Variants in DYNC1I1 observed in about 807,000 individuals in gnomAD.
DYNC1I1 encodes the protein dynein cytoplasmic 1 intermediate chain 1.
DYNC1I1 carries 43 observed loss-of-function variants against 86.6 expected under a neutral mutation model. The observed-to-expected ratio is 0.50, with a 90% CI of 0.39 to 0.64. DYNC1I1 has a LOEUF of 0.64. DYNC1I1 is among the 30% of genes least tolerant of loss of function. The probability of loss-of-function intolerance (pLI) is 0.00; values close to 1 mark genes in which losing one functional copy is unlikely to be tolerated. For missense variants in DYNC1I1, 604 were observed against 788.8 expected (o/e 0.77, Z 2.81); for synonymous variants, 262 against 283.7 (o/e 0.92, Z 0.77).
At chr7:96,034,012 G>T (rs1283693363) in intron 12 of DYNC1I1, among the ~76,000 whole-genome samples, 1 of 151,510 alleles carries the variant, frequency 6.6e-6, no homozygotes, top group Non-Finnish European at 1.5e-5. Flanking sequence ...TTTGTCTCTT[G>T]AAAAAAATAA....
chr7:96,027,118 C>T (rs536565931), intron 10 of DYNC1I1, among the ~76,000 whole-genome samples: 3 of 152,164 alleles, frequency 2.0e-5, no homozygotes, highest in African/African-American at 7.2e-5. Flanking sequence ...GGACTGGTAG[C>T]CCATCTGTTC....
intron 6 of DYNC1I1, among the ~76,000 whole-genome samples, chr7:95,929,164 T>C (rs1379434687): frequency 6.6e-6 from 1 of 152,152 alleles, no homozygotes; most frequent in Non-Finnish European, 1.5e-5. Flanking sequence ...TATTTTCTGC[T>C]CTTCCATCCT....
At chr7:95,848,547 G>A (rs537347049) in intron 5 of DYNC1I1, among the ~76,000 whole-genome samples, 8 of 151,998 alleles carry the variant, frequency 5.3e-5, no homozygotes, top group Admixed American at 4.6e-4. Context: ...CATCTATATC[G>A]TTGCAAATGA....
intron 6 of DYNC1I1, among the ~76,000 whole-genome samples, chr7:95,879,140 T>C (rs1324651457): frequency 6.6e-6 from 1 of 152,124 alleles, no homozygotes; most frequent in Non-Finnish European, 1.5e-5. Flanking sequence ...AATTCAAATC[T>C]ATAGGGAAAA....
chr7:96,060,850 G>T (rs991309407), intron 14 of DYNC1I1, among the ~76,000 whole-genome samples: 1 of 151,920 alleles, frequency 6.6e-6, no homozygotes, highest in South Asian at 2.1e-4. Context: ...ACTCAATGAC[G>T]CTTCAGTAAT....
At chr7:96,081,413 A>G (rs375183722) in intron 16 of DYNC1I1, among the ~76,000 whole-genome samples, 31 of 151,978 alleles carry the variant, frequency 2.0e-4, no homozygotes, top group African/African-American at 7.0e-4. Flanking sequence ...TACATTATCT[A>G]TCAATTGTAC....
intron 9 of DYNC1I1, 33 bp from the exon 10 acceptor site, chr7:95,995,915 G>A: frequency 6.4e-7 from 1 of 1,561,168 alleles, no homozygotes; most frequent in Non-Finnish European, 8.6e-7. Context: ...TGTCATCTTA[G>A]CATAATTCAT....
chr7:95,986,609 C>T (rs1353722746), intron 8 of DYNC1I1, among the ~76,000 whole-genome samples: 1 of 152,076 alleles, frequency 6.6e-6, no homozygotes, highest in African/African-American at 2.4e-5. Context: ...TCAGCATTTA[C>T]AAGTAAATAA....
intron 9 of DYNC1I1, among the ~76,000 whole-genome samples, chr7:95,988,489 T>C (rs1198639093): frequency 2.0e-5 from 3 of 152,200 alleles, no homozygotes; most frequent in Non-Finnish European, 4.4e-5. Flanking sequence ...AAAAGCCAAT[T>C]TGCTGAATGG....
intron 16 of DYNC1I1, among the ~76,000 whole-genome samples, chr7:96,092,821 G>A (rs531558038): frequency 3.9e-5 from 6 of 152,150 alleles, no homozygotes; most frequent in African/African-American, 1.4e-4. Flanking sequence ...TAGACTTTTT[G>A]TCTTCCAAGA....
At chr7:95,878,984 A>G (rs550804281) in intron 6 of DYNC1I1, among the ~76,000 whole-genome samples, 26 of 151,660 alleles carry the variant, frequency 1.7e-4, no homozygotes, top group African/African-American at 6.0e-4. Context: ...ATCAAGAATC[A>G]CTACCCAGCA....
At chr7:95,803,236 G>A (rs1177462602) in intron 1 of DYNC1I1, among the ~76,000 whole-genome samples, 1 of 152,212 alleles carries the variant, frequency 6.6e-6, no homozygotes, top group Non-Finnish European at 1.5e-5. Context: ...GGCACTGAGT[G>A]ATCAATAAGC....
At chr7:96,008,633 A>T (rs1038460050) in intron 10 of DYNC1I1, among the ~76,000 whole-genome samples, 5 of 152,218 alleles carry the variant, frequency 3.3e-5, no homozygotes, top group Non-Finnish European at 7.3e-5. Flanking sequence ...TTAAACTGAG[A>T]TAATTTGAAT....
chr7:95,783,246 A>G (rs1794042684), intron 1 of DYNC1I1, among the ~76,000 whole-genome samples: 1 of 152,216 alleles, frequency 6.6e-6, no homozygotes, highest in Admixed American at 6.5e-5. Flanking sequence ...AAGGAATAAC[A>G]GGTTCCCAGA....
In DYNC1I1 at chr7:95,876,500, A is replaced by G. The variant is rs1407023868; in HGVS notation, c.490+6502A>G. ...AGCTGAGTTTTACCTTAGCTGTTTT[A>G]TTTTCATTCTATATCAAATTCTAAT... On this transcript the variant is annotated intron_variant, in intron 6 of 16. Coordinates refer to ENST00000447467, the MANE Select transcript of DYNC1I1 (RefSeq NM_001135556.2). Among the ~76,000 whole-genome samples the G allele has an allele frequency of 7.2e-5, 11 of 152,036 alleles. No homozygotes were observed. The East Asian group carries it at 2.1e-3, about 29-fold the overall frequency.
intron 9 of DYNC1I1, among the ~76,000 whole-genome samples, chr7:95,993,400 G>A (rs779601542): frequency 1.3e-5 from 2 of 152,314 alleles, no homozygotes; most frequent in Non-Finnish European, 2.9e-5. Context: ...ATGAGACCCA[G>A]CTGGGTGATA....
intron 14 of DYNC1I1, among the ~76,000 whole-genome samples, chr7:96,040,890 T>G (rs890765891): frequency 3.9e-5 from 6 of 152,026 alleles, no homozygotes; most frequent in Middle Eastern, 3.4e-3. Flanking sequence ...GCCCACCTAA[T>G]TTTTGTATTT....
At chr7:95,982,362 A>G (rs993546493) in intron 7 of DYNC1I1, among the ~76,000 whole-genome samples, 2 of 152,176 alleles carry the variant, frequency 1.3e-5, no homozygotes, top group Admixed American at 6.6e-5. Context: ...CAATCATAAT[A>G]TCTGGAGAGG....
At chr7:96,059,166 T>C (rs1294339499) in intron 14 of DYNC1I1, among the ~76,000 whole-genome samples, 1 of 152,166 alleles carries the variant, frequency 6.6e-6, no homozygotes, top group Non-Finnish European at 1.5e-5. Context: ...TTCATTGACA[T>C]TGGATCCTTA....
Sources: gnomAD v4.1 joint callset for allele counts (sites outside exome capture counted in the v4.1 genomes callset) on GRCh38, gnomAD v4.1.1 for gene constraint, MANE v1.5 for transcripts, NCBI Gene and HGNC (gene_info 2026-07-23, HGNC 2026-07-21) for gene names.